Variants in FBXO40 observed in about 807,000 individuals in gnomAD.
FBXO40 encodes F-box protein 40.
A neutral mutation model predicts 49.9 loss-of-function variants in FBXO40; 50 were observed. The ratio of observed to expected loss-of-function variants is 1.00; its 90% CI spans 0.80 to 1.27. The LOEUF (loss-of-function observed/expected upper bound fraction) is 1.27. Among genes scored for constraint, FBXO40 ranks in the 50% most tolerant of loss-of-function variants. The probability of loss-of-function intolerance (pLI) is 0.00; values close to 1 mark genes in which losing one functional copy is unlikely to be tolerated. For synonymous variants in FBXO40, 340 were observed against 320.2 expected, an observed-to-expected ratio of 1.06 and a Z score of -0.66; for missense variants, 895 against 870.1, an observed-to-expected ratio of 1.03 and a Z score of -0.36.
At chr3:121,599,724 ATT>A (rs753693720) in intron 1 of FBXO40, among the ~76,000 whole-genome samples, 1,593 of 97,104 alleles carry the variant, frequency 0.016, 40 homozygotes, top group African/African-American at 0.059. Context: ...ATATATATAT[ATT>A]TTTTTTTTTT....
intron 1 of FBXO40, among the ~76,000 whole-genome samples, chr3:121,612,010 T>G (rs1360226467): frequency 6.6e-6 from 1 of 152,338 alleles, no homozygotes; most frequent in South Asian, 2.1e-4. Context: ...AGCAATTGTT[T>G]AAAGTACAGG....
At chr3:121,604,077 C>T (rs2048918290) in intron 1 of FBXO40, among the ~76,000 whole-genome samples, 1 of 152,188 alleles carries the variant, frequency 6.6e-6, no homozygotes, top group African/African-American at 2.4e-5. Context: ...ACATATTTCC[C>T]CCTTCTGTCA....
intron 1 of FBXO40, among the ~76,000 whole-genome samples, chr3:121,607,254 A>AAC (rs1472203473): frequency 7.3e-6 from 1 of 137,854 alleles, no homozygotes; most frequent in African/African-American, 2.6e-5. Flanking sequence ...GACAAGAGTG[A>AAC]AACTCCATCT....
chr3:121,626,243 A>T (rs981168606), intron 3 of FBXO40, among the ~76,000 whole-genome samples: 2 of 150,604 alleles, frequency 1.3e-5, no homozygotes, highest in South Asian at 2.1e-4. Flanking sequence ...GATAGTGCTC[A>T]CTCGGTGGTC....
intron 1 of FBXO40, among the ~76,000 whole-genome samples, chr3:121,601,260 C>T (rs777940704): frequency 1.3e-5 from 2 of 152,166 alleles, no homozygotes; most frequent in Non-Finnish European, 1.5e-5. Flanking sequence ...AGATGTGAGG[C>T]TATTTCATCT....
Position 121,593,727 on chromosome 3 carries a change from G to T in FBXO40, c.-31+225G>T, listed in dbSNP as rs553927226. 9.2e-5 allele frequency among the ~76,000 whole-genome samples: 14 copies of T among 152,238 alleles called. No homozygotes were observed. In the South Asian group the frequency reaches 2.9e-3, roughly 32 times the overall value. On this transcript the variant is annotated intron_variant, in intron 1 of 3. Coordinates refer to ENST00000338040, the MANE Select transcript of FBXO40 (RefSeq NM_016298.4). ...CAGGTAGAGTACTTGCTTTCTGACA[G>T]CTTAGGTTCTTTCTTCTATAATCAA...
At chr3:121,620,185 A>G (rs2049022531) in intron 1 of FBXO40, among the ~76,000 whole-genome samples, 2 of 152,246 alleles carry the variant, frequency 1.3e-5, no homozygotes, top group Non-Finnish European at 2.9e-5. Context: ...TGTGGGTAGC[A>G]GAGTGTTTAG....
intron 1 of FBXO40, 40 bp from the exon 2 acceptor site, chr3:121,620,506 G>A: frequency 6.3e-7 from 1 of 1,586,336 alleles, no homozygotes; most frequent in East Asian, 2.2e-5. Flanking sequence ...TAACCTAACT[G>A]TTTTTCTTAC....
chr3:121,594,432 C>T (rs540200885), intron 1 of FBXO40, among the ~76,000 whole-genome samples: 1 of 152,304 alleles, frequency 6.6e-6, no homozygotes, highest in South Asian at 2.1e-4. Flanking sequence ...AACTCCTGGC[C>T]TCAAGTGATC....
intron 1 of FBXO40, among the ~76,000 whole-genome samples, chr3:121,611,756 C>T (rs190065942): frequency 7.2e-5 from 11 of 152,258 alleles, no homozygotes; most frequent in African/African-American, 2.4e-4. Flanking sequence ...TTGGACAATA[C>T]CCCGCTTTCA....
chr3:121,601,492 A>G (rs771305937), intron 1 of FBXO40, among the ~76,000 whole-genome samples: 6 of 152,238 alleles, frequency 3.9e-5, no homozygotes, highest in Non-Finnish European at 8.8e-5. Flanking sequence ...AGGCTGCACA[A>G]CAAATGTTTC....
intron 1 of FBXO40, among the ~76,000 whole-genome samples, chr3:121,608,823 T>G (rs372823209): frequency 6.6e-6 from 1 of 152,210 alleles, no homozygotes; most frequent in Non-Finnish European, 1.5e-5. Context: ...CTGTGGAATA[T>G]TCCCCAATTT....
chr3:121,605,208 A>G (rs1272211010), intron 1 of FBXO40, among the ~76,000 whole-genome samples: 1 of 152,098 alleles, frequency 6.6e-6, no homozygotes, highest in Admixed American at 6.5e-5. Flanking sequence ...AAGTGCTGGG[A>G]TTACAGGCAT....
intron 1 of FBXO40, among the ~76,000 whole-genome samples, chr3:121,597,658 C>CTTTT (rs137900064): frequency 3.9e-5 from 5 of 127,818 alleles, no homozygotes; most frequent in Non-Finnish European, 3.2e-5. Context: ...TTATAGGCCC[C>CTTTT]CTTTTTTTTT....
At chr3:121,607,887 T>C (rs552618879) in intron 1 of FBXO40, among the ~76,000 whole-genome samples, 1 of 152,254 alleles carries the variant, frequency 6.6e-6, no homozygotes, top group African/African-American at 2.4e-5. Context: ...AAATAAGATA[T>C]CAACTGAAAT....
Position 121,627,056 on chromosome 3 carries a change from A to G in FBXO40, c.*146A>G, listed in dbSNP as rs576835071. 38 of 678,160 alleles carry G rather than the reference A, an allele frequency of 5.6e-5. No homozygotes were observed. In the South Asian group the frequency reaches 7.0e-4, roughly 13 times the overall value. The allele number at this position is 678,160 out of a possible 1,614,324, so 42.0% of individuals were successfully genotyped here. A position where few individuals can be genotyped will look rare whatever the true frequency, so the allele number is the denominator to read the frequency against. ...ATTGGAACACGCAATGTCCTTCGAA[A>G]CCTCAACACGAGGCCTAAGAATTTC... is the stretch of plus-strand genomic sequence containing the variant. On this transcript the variant is annotated 3_prime_UTR_variant, in exon 4 of 4. Coordinates refer to ENST00000338040, the MANE Select transcript of FBXO40 (RefSeq NM_016298.4).
At chr3:121,607,389 A>G (rs1288241460) in intron 1 of FBXO40, among the ~76,000 whole-genome samples, 1 of 132,782 alleles carries the variant, frequency 7.5e-6, no homozygotes, top group East Asian at 2.4e-4. Flanking sequence ...GGCTCACTGC[A>G]AGCTCCGCCT....
intron 1 of FBXO40, among the ~76,000 whole-genome samples, chr3:121,606,083 C>T (rs187349018): frequency 2.6e-5 from 4 of 152,332 alleles, no homozygotes; most frequent in African/African-American, 9.6e-5. Flanking sequence ...AGAGCTGGGA[C>T]AGACTCATAC....
At chr3:121,617,054 G>A (rs1270969947) in intron 1 of FBXO40, among the ~76,000 whole-genome samples, 5 of 152,148 alleles carry the variant, frequency 3.3e-5, no homozygotes, top group African/African-American at 1.2e-4. Context: ...GTTGGTGAAT[G>A]GATATGAACA....
Sources: gnomAD v4.1 joint callset for allele counts (sites outside exome capture counted in the v4.1 genomes callset) on GRCh38, gnomAD v4.1.1 for gene constraint, MANE v1.5 for transcripts, NCBI Gene and HGNC (gene_info 2026-07-23, HGNC 2026-07-21) for gene names.